DENND4A: variants seen among roughly 807,000 people sequenced by gnomAD.
DENND4A encodes the protein DENN domain containing 4A.
In DENND4A, 70 loss-of-function variants were observed where a neutral mutation model predicts 199.3. The ratio of observed to expected loss-of-function variants is 0.35; its 90% CI spans 0.29 to 0.43. DENND4A has a LOEUF of 0.43. Among genes scored for constraint, DENND4A ranks in the 20% least tolerant of loss-of-function variants. The pLI, the probability that DENND4A is intolerant of heterozygous loss-of-function variation, is 1.00. For missense variants in DENND4A, 1,723 were observed against 2,255.8 expected (o/e 0.76, Z 4.78); for synonymous variants, 686 against 766.9 (o/e 0.89, Z 1.74).
chr15:65,733,290 G>T (rs2076014961), intron 7 of DENND4A, among the ~76,000 whole-genome samples: 1 of 151,972 alleles, frequency 6.6e-6, no homozygotes, highest in African/African-American at 2.4e-5. Context: ...TACTGATTTT[G>T]TAGGTTTTTT....
intron 4 of DENND4A, among the ~76,000 whole-genome samples, chr15:65,743,018 T>C (rs2076299501): frequency 6.6e-6 from 1 of 152,172 alleles, no homozygotes; most frequent in South Asian, 2.1e-4. Flanking sequence ...AAAAGGAGTA[T>C]ATAATAAGTT....
At position 65,690,402 on chromosome 15, in the gene DENND4A, T is replaced by C. The variant is rs532864708; in HGVS notation, c.4179+13A>G. 3.2e-6 allele frequency: 5 copies of C among 1,543,572 alleles called. No homozygotes were observed. In the East Asian group the frequency reaches 1.1e-4, roughly 35 times the overall value. ...GTGTGACAGTAAAAGTAGCAAATAC[T>C]AACCAAACTTACCTTAGATGATGTG... On this transcript the variant is annotated intron_variant, in intron 23 of 32. Coordinates refer to ENST00000443035, the MANE Select transcript of DENND4A (RefSeq NM_001320835.1).
chr15:65,757,936 G>A (rs535933237), intron 2 of DENND4A, among the ~76,000 whole-genome samples: 107 of 152,022 alleles, frequency 7.0e-4, no homozygotes, highest in Admixed American at 1.2e-3. Flanking sequence ...AGCTGAGATC[G>A]CACCATTGCA....
rs910677673 is a variant in DENND4A, at chr15:65,771,538, T to C, written c.-101-10100A>G. 1.9e-5 allele frequency: 30 copies of C among 1,611,982 alleles called. No individual in the cohort carries two copies. The East Asian group carries it at 6.2e-4, about 34-fold the overall frequency. Reference sequence around the variant, plus strand: ...GGCTTAATAATGACACGAGGATCAATACAATTATGGGCATCAGCTGGATAA... The same window carrying C: ...GGCTTAATAATGACACGAGGATCAACACAATTATGGGCATCAGCTGGATAA... On this transcript the variant is annotated intron_variant, in intron 1 of 32. Transcript: ENST00000443035.
At chr15:65,709,695 CAA>C (rs1171075195) in intron 14 of DENND4A, among the ~76,000 whole-genome samples, 274 of 36,124 alleles carry the variant, frequency 7.6e-3, no homozygotes, top group East Asian at 0.049. Flanking sequence ...AACTCCATCT[CAA>C]AAAAAAAAAA....
At chr15:65,764,451 C>T (rs1032037427) in intron 1 of DENND4A, among the ~76,000 whole-genome samples, 45 of 151,818 alleles carry the variant, frequency 3.0e-4, no homozygotes, top group African/African-American at 8.9e-4. Context: ...GCCAACAGGG[C>T]GAAACCCCAT....
Position 65,702,503 on chromosome 15 carries a change from T to C in DENND4A, c.2232A>G (p.Lys744=). The change falls in exon 17 of 33, where the codon AAA becomes AAG. Residue 744 remains lysine (K), a synonymous_variant. Coordinates refer to ENST00000443035, the MANE Select transcript of DENND4A (RefSeq NM_001320835.1). ...PMFRRTKQEI[K]SAHKIAKRYS... is the part of the protein sequence containing the mutation. ...ACCTCTTTGCAATTTTATGGGCTGA[T>C]TTAATTTCCTGGAAAAAATATAAAG... 6.3e-7 allele frequency: 1 copy of C among 1,578,702 alleles called. No homozygotes were observed. Among genetic ancestry groups the C allele is most frequent in the Non-Finnish European group, 8.6e-7 (1 of 1,161,948 alleles).
chr15:65,722,655 GA>G (rs34218157), intron 12 of DENND4A, among the ~76,000 whole-genome samples, 192 bp downstream of exon 12: 38,115 of 142,696 alleles, frequency 0.27, 5,756 homozygotes, highest in East Asian at 0.74. Context: ...ACTCCGTCTC[GA>G]AAAAAAAAAA....
At chr15:65,785,680 G>A (rs914952750) in intron 1 of DENND4A, among the ~76,000 whole-genome samples, 2 of 151,622 alleles carry the variant, frequency 1.3e-5, no homozygotes, top group African/African-American at 2.4e-5. Context: ...AAATAACTAC[G>A]TATATAATAG....
chr15:65,660,493 A>G lies in DENND4A; in HGVS notation c.*1358T>C. The G allele has an allele frequency of 1.9e-6, 1 of 538,770 alleles. No individual in the cohort carries two copies. The highest frequency in any genetic ancestry group is 3.3e-6 in the Non-Finnish European group (1 of 303,752). The allele number at this position is 538,770 out of a possible 1,614,324, so 33.4% of individuals were successfully genotyped here. ...GCTAGGGAATTCCTTCACTAATGAT[A>G]ATGTGTGCAAACACACACACATATT... On this transcript the variant is annotated 3_prime_UTR_variant, in exon 33 of 33. Coordinates refer to ENST00000443035, the MANE Select transcript of DENND4A (RefSeq NM_001320835.1).
chr15:65,763,369 G>C (rs1259586022), intron 1 of DENND4A, among the ~76,000 whole-genome samples: 1 of 152,112 alleles, frequency 6.6e-6, no homozygotes, highest in Admixed American at 6.6e-5. Context: ...GGAAGAGAAG[G>C]GGGTAAGGGC....
intron 3 of DENND4A, among the ~76,000 whole-genome samples, chr15:65,755,405 A>G (rs756098676): frequency 3.3e-5 from 5 of 152,216 alleles, no homozygotes; most frequent in Non-Finnish European, 7.3e-5. Context: ...TATCTCAATA[A>G]TAAAGCACCC....
At chr15:65,709,787 A>G (rs1329585424) in intron 14 of DENND4A, among the ~76,000 whole-genome samples, 1 of 148,006 alleles carries the variant, frequency 6.8e-6, no homozygotes, top group East Asian at 2.0e-4. Flanking sequence ...TTGAATTATA[A>G]CAAAGCAAAT....
At chr15:65,668,216 T>C (rs1596385082) in intron 27 of DENND4A, 93 bp from the exon 28 acceptor site, 2 of 1,035,332 alleles carry the variant, frequency 1.9e-6, no homozygotes, top group East Asian at 5.6e-5. Context: ...CTCTCTTTTT[T>C]TTTTTTTTTT....
At chr15:65,783,348 AATAG>A (rs1201136889) in intron 1 of DENND4A, among the ~76,000 whole-genome samples, 45 of 152,350 alleles carry the variant, frequency 3.0e-4, no homozygotes, top group African/African-American at 9.4e-4. Flanking sequence ...AGAGGGAGGT[AATAG>A]ATAGCAGAGT....
At chr15:65,725,142 T>TA (rs960755743) in intron 11 of DENND4A, among the ~76,000 whole-genome samples, 13 of 152,162 alleles carry the variant, frequency 8.5e-5, no homozygotes, top group African/African-American at 3.1e-4. Context: ...CATCTTCTTA[T>TA]AAAAAAGATC....
chr15:65,716,176 C>T (rs2075392039), intron 13 of DENND4A, among the ~76,000 whole-genome samples: 1 of 151,944 alleles, frequency 6.6e-6, no homozygotes, highest in African/African-American at 2.4e-5. Context: ...AAACTGTTCT[C>T]TCTGCGTAAA....
chr15:65,728,481 CTTTTTCTTTTTTTT>C (rs1233463925), intron 11 of DENND4A, among the ~76,000 whole-genome samples: 1 of 143,062 alleles, frequency 7.0e-6, no homozygotes, highest in East Asian at 2.0e-4. Flanking sequence ...TTCTTTTTTT[CTTTTTCTTTTTTTT>C]TTTTTGAGAC....
intron 14 of DENND4A, among the ~76,000 whole-genome samples, chr15:65,710,477 G>GT (rs1292772780): frequency 1.3e-5 from 2 of 152,190 alleles, no homozygotes; most frequent in Admixed American, 1.3e-4. Context: ...GCCACTGTTC[G>GT]TAAGGGAAGC....
Sources: allele counts gnomAD v4.1 joint callset (sites outside exome capture counted in the v4.1 genomes callset), GRCh38; gene constraint gnomAD v4.1.1; transcripts MANE v1.5; gene names NCBI Gene and HGNC (gene_info 2026-07-23, HGNC 2026-07-21).